Variants in CNTNAP5 observed in about 807,000 individuals in gnomAD.
CNTNAP5 encodes contactin-associated protein-like 5.
A neutral mutation model predicts 150.2 loss-of-function variants in CNTNAP5; 72 were observed. The ratio of observed to expected loss-of-function variants is 0.48; its 90% CI spans 0.40 to 0.58. The LOEUF (loss-of-function observed/expected upper bound fraction) is 0.58. CNTNAP5 is among the 20% of genes least tolerant of loss of function. The pLI is 0.00. For synonymous variants in CNTNAP5, 672 were observed against 619.8 expected (o/e 1.08, Z -1.25); for missense variants, 1,636 against 1,626.2 (o/e 1.01, Z -0.10).
chr2:124,316,804 C>CAAAAAAAAAAAAAAAAAAAA (rs56812690), intron 3 of CNTNAP5, among the ~76,000 whole-genome samples: 97 of 54,726 alleles, frequency 1.8e-3, no homozygotes, highest in Non-Finnish European at 2.1e-3. Context: ...GACTCCATCT[C>CAAAAAAAAAAAAAAAAAAAA]AAAAAAAAAA....
chr2:124,879,431 C>T (rs1305659148), intron 21 of CNTNAP5, among the ~76,000 whole-genome samples: 2 of 152,096 alleles, frequency 1.3e-5, no homozygotes. Flanking sequence ...TAGCTGCCTC[C>T]CAGACTTGGA....
intron 3 of CNTNAP5, among the ~76,000 whole-genome samples, chr2:124,310,842 G>T (rs1688810969): frequency 6.6e-6 from 1 of 152,172 alleles, no homozygotes; most frequent in Non-Finnish European, 1.5e-5. Flanking sequence ...GCTGGCAGGT[G>T]GCAGAGGGAG....
intron 13 of CNTNAP5, among the ~76,000 whole-genome samples, chr2:124,725,703 A>T (rs772364514): frequency 9.2e-5 from 14 of 151,982 alleles, no homozygotes; most frequent in Non-Finnish European, 1.9e-4. Flanking sequence ...TACTCTTCGA[A>T]CGACATGTCT....
At chr2:124,407,281 A>G (rs1691597199) in intron 3 of CNTNAP5, among the ~76,000 whole-genome samples, 1 of 152,150 alleles carries the variant, frequency 6.6e-6, no homozygotes, top group South Asian at 2.1e-4. Flanking sequence ...CTACTTTTGT[A>G]TTAGCATTTC....
intron 11 of CNTNAP5, among the ~76,000 whole-genome samples, chr2:124,570,549 C>T (rs1294969741): frequency 1.3e-5 from 2 of 151,030 alleles, no homozygotes; most frequent in Non-Finnish European, 2.9e-5. Flanking sequence ...TAAGAGCCAG[C>T]CACAGTTTGT....
At chr2:124,758,189 G>GGTGGAAATTGTTAATTA (rs1308464389) in intron 14 of CNTNAP5, among the ~76,000 whole-genome samples, 34 of 152,066 alleles carry the variant, frequency 2.2e-4, no homozygotes, top group Admixed American at 2.2e-3. Flanking sequence ...AGGTGAAATT[G>GGTGGAAATTGTTAATTA]GTGGAAATTG....
chr2:124,675,517 A>G (rs1678921460), intron 13 of CNTNAP5, among the ~76,000 whole-genome samples: 1 of 152,032 alleles, frequency 6.6e-6, no homozygotes, highest in Non-Finnish European at 1.5e-5. Context: ...ATTGGAGTCT[A>G]TTTTTCAATT....
At position 124,426,619 on chromosome 2, in the gene CNTNAP5, C is replaced by T. The variant is rs1047330477; in HGVS notation, c.530-7865C>T. Among the ~76,000 whole-genome samples the T allele has an allele frequency of 2.6e-5, 4 of 152,328 alleles. No homozygotes were observed. The East Asian group carries it at 7.7e-4, about 29-fold the overall frequency. On this transcript the variant is annotated intron_variant, in intron 4 of 23. Coordinates refer to ENST00000682447, the MANE Select transcript of CNTNAP5 (RefSeq NM_001367498.1). ...AATGTTGAGCTTCGGCTTTCTGGCC[C>T]GTGAGGAAGCTGACTCTTTGTCCCT...
intron 22 of CNTNAP5, among the ~76,000 whole-genome samples, chr2:124,907,825 T>C (rs2104765160): frequency 6.6e-6 from 1 of 150,660 alleles, no homozygotes; most frequent in African/African-American, 2.4e-5. Context: ...TTTTTAACTT[T>C]TGTAGTCATG....
intron 11 of CNTNAP5, among the ~76,000 whole-genome samples, chr2:124,577,088 C>T (rs1558961244): frequency 6.6e-6 from 1 of 152,164 alleles, no homozygotes; most frequent in African/African-American, 2.4e-5. Flanking sequence ...AGATTTATTT[C>T]TTTTAGGTAG....
At chr2:124,386,557 T>A (rs762098331) in intron 3 of CNTNAP5, among the ~76,000 whole-genome samples, 18 of 152,232 alleles carry the variant, frequency 1.2e-4, no homozygotes, top group Admixed American at 3.9e-4. Flanking sequence ...AATAACTTCA[T>A]CCAATTTGCT....
chr2:124,045,237 T>A (rs1449437765), intron 1 of CNTNAP5, among the ~76,000 whole-genome samples: 1 of 151,912 alleles, frequency 6.6e-6, no homozygotes, highest in Non-Finnish European at 1.5e-5. Flanking sequence ...TCTTCCACAT[T>A]GGCCTTCATT....
rs139471459 is a variant in CNTNAP5 at position 124,768,057 on chromosome 2, C to A, written c.2533+3910C>A. On this transcript the variant is annotated intron_variant, in intron 16 of 23. Coordinates refer to ENST00000682447, the MANE Select transcript of CNTNAP5 (RefSeq NM_001367498.1). ...ACCCCCACACCAGAGAGTGGGCTAGCTTCCCCTGAAGCCCATGGGAATGGG... is the reference window on the plus strand; with the variant it reads ...ACCCCCACACCAGAGAGTGGGCTAGATTCCCCTGAAGCCCATGGGAATGGG... Among the ~76,000 whole-genome samples, 1,223 of 152,286 alleles carry A rather than the reference C, an allele frequency of 8.0e-3. 11 individuals carry two copies. The highest frequency in any genetic ancestry group is 0.014 in the Middle Eastern group (4 of 294).
intron 7 of CNTNAP5, 83 bp from the exon 8 acceptor site, chr2:124,504,209 A>G: frequency 1.5e-6 from 2 of 1,352,130 alleles, no homozygotes. Context: ...AATTAAGGTC[A>G]GCTCCAGGTG....
chr2:124,590,274 T>A (rs1558694165), intron 11 of CNTNAP5, among the ~76,000 whole-genome samples: 1 of 152,166 alleles, frequency 6.6e-6, no homozygotes, highest in Non-Finnish European at 1.5e-5. Flanking sequence ...GCACCTGCAC[T>A]CTCCTATCTC....
intron 1 of CNTNAP5, among the ~76,000 whole-genome samples, chr2:124,075,257 G>A (rs180893155): frequency 2.6e-5 from 4 of 152,096 alleles, no homozygotes; most frequent in Admixed American, 2.6e-4. Flanking sequence ...ACTACACAAA[G>A]CAGGCATCTT....
chr2:124,558,746 C>T (rs1695818905), intron 10 of CNTNAP5, among the ~76,000 whole-genome samples: 1 of 152,164 alleles, frequency 6.6e-6, no homozygotes, highest in African/African-American at 2.4e-5. Context: ...CAGCCCGGCC[C>T]CAGTTAAAGC....
intron 1 of CNTNAP5, among the ~76,000 whole-genome samples, chr2:124,122,361 G>GT: frequency 6.6e-6 from 1 of 152,270 alleles, no homozygotes; most frequent in African/African-American, 2.4e-5. Flanking sequence ...TTTTTAAAGT[G>GT]TTTGCATATT....
intron 10 of CNTNAP5, 95 bp from the exon 11 acceptor site, chr2:124,563,121 AT>A: frequency 2.8e-6 from 2 of 721,462 alleles, no homozygotes; most frequent in Non-Finnish European, 4.9e-6. Context: ...AATATCTACT[AT>A]TAATTGAGGC....
Sources: allele counts gnomAD v4.1 joint callset (sites outside exome capture counted in the v4.1 genomes callset), GRCh38; gene constraint gnomAD v4.1.1; transcripts MANE v1.5; gene names NCBI Gene and HGNC (gene_info 2026-07-23, HGNC 2026-07-21).